The following ZNF713 variants were observed in gnomAD, a reference collection of about 807,000 sequenced individuals.
ZNF713 encodes zinc finger protein 713.
ZNF713 carries 21 observed loss-of-function variants against 28.7 expected under a neutral mutation model. That is an observed-to-expected ratio of 0.73 (90% confidence interval 0.52 to 1.05). The LOEUF (loss-of-function observed/expected upper bound fraction) is 1.05. Ranked by LOEUF, ZNF713 falls within the 50% of genes least tolerant of loss-of-function variation. The probability of loss-of-function intolerance (pLI) is 0.00; values close to 1 mark genes in which losing one functional copy is unlikely to be tolerated. For synonymous variants in ZNF713, 167 were observed against 178.0 expected, an observed-to-expected ratio of 0.94 and a Z score of 0.49; for missense variants, 458 against 532.4, an observed-to-expected ratio of 0.86 and a Z score of 1.37.
intron 6 of ZNF713, among the ~76,000 whole-genome samples, chr7:55,930,778 A>G (rs73132884): frequency 0.14 from 21,667 of 151,806 alleles, 1,723 homozygotes; most frequent in Non-Finnish European, 0.18. Context: ...AACAACCAAA[A>G]AACCATTGTC....
intron 4 of ZNF713, among the ~76,000 whole-genome samples, chr7:55,916,508 C>G (rs1410513600): frequency 6.6e-6 from 1 of 152,202 alleles, no homozygotes; most frequent in Non-Finnish European, 1.5e-5. Flanking sequence ...TGTTTGTTGT[C>G]TACTTTCTTT....
At position 55,887,540 on chromosome 7, in the gene ZNF713, C is replaced by T. The variant is rs1785265326; in HGVS notation, c.-723C>T. ...GCTGGACCGGCCCCAGGAGCCCAGT[C>T]ACCGGGCGTCATTGGCTCAGGCTGC... On this transcript the variant is annotated 5_prime_UTR_variant, in exon 1 of 7. Coordinates refer to ENST00000429591, the MANE Select transcript of ZNF713 (RefSeq NM_182633.3). The T allele has an allele frequency of 1.2e-5, 2 of 171,212 alleles. No homozygotes were observed. Among genetic ancestry groups the T allele is most frequent in the African/African-American group, 4.8e-5 (2 of 41,532 alleles). The allele number at this position is 171,212 out of a possible 1,614,324, so 10.6% of individuals were successfully genotyped here. A position where few individuals can be genotyped will look rare whatever the true frequency, so the allele number is the denominator to read the frequency against.
chr7:55,928,631 T>C lies in ZNF713; in HGVS notation c.307+4932T>C, dbSNP rs147178902. On this transcript the variant is annotated intron_variant, in intron 6 of 6. Coordinates refer to ENST00000429591, the MANE Select transcript of ZNF713 (RefSeq NM_182633.3). ...AGGTGAAGGCACAAACAACTACCAG[T>C]TGGATTACAAGATGGAAGAGAAGCA... Among the ~76,000 whole-genome samples the C allele has an allele frequency of 9.3e-4, 142 of 152,182 alleles. 2 individuals carry two copies. Among genetic ancestry groups the C allele is most frequent in the African/African-American group, 3.2e-3 (133 of 41,504 alleles).
At chr7:55,926,866 C>T (rs1386590210) in intron 6 of ZNF713, among the ~76,000 whole-genome samples, 1 of 152,164 alleles carries the variant, frequency 6.6e-6, no homozygotes, top group East Asian at 1.9e-4. Context: ...CACAGTGGCT[C>T]ATGGCTCATG....
rs1785676718 is a variant in ZNF713 at position 55,906,253 on chromosome 7, G to T, written c.-582G>T. 6.6e-6 allele frequency: 1 copy of T among 152,062 alleles called. No homozygotes were observed. The allele number at this position is 152,062 out of a possible 1,614,324, so 9.4% of individuals were successfully genotyped here. ...CTTTGCCTCAACTTCTTCCTTTTAG[G>T]TCAACATACCTGGCCTAAGGAGGCA... On this transcript the variant is annotated splice_region_variant and 5_prime_UTR_variant, in exon 2 of 7. Coordinates refer to ENST00000429591, the MANE Select transcript of ZNF713 (RefSeq NM_182633.3).
In ZNF713 at chr7:55,929,711, C is replaced by T. The variant is rs531387488; in HGVS notation, c.307+6012C>T. The stretch of plus-strand genomic sequence containing the variant: ...TGGAGGTTGCAGTGAACTGAGACTG[C>T]GCCACTGCACTCCAGCCTGGGTGAC... On this transcript the variant is annotated intron_variant, in intron 6 of 6. Coordinates refer to ENST00000429591, the MANE Select transcript of ZNF713 (RefSeq NM_182633.3). Among the ~76,000 whole-genome samples, 23 of 151,502 alleles carry T rather than the reference C, an allele frequency of 1.5e-4. No individual in the cohort carries two copies. In the South Asian group the frequency reaches 4.8e-3, roughly 32 times the overall value.
At chr7:55,889,302 A>G (rs1785335834) in intron 1 of ZNF713, among the ~76,000 whole-genome samples, 1 of 151,996 alleles carries the variant, frequency 6.6e-6, no homozygotes, top group African/African-American at 2.4e-5. Context: ...GAGTTTCATC[A>G]TATTGGTCAG....
intron 1 of ZNF713, among the ~76,000 whole-genome samples, chr7:55,901,909 T>G (rs1321556862): frequency 6.6e-6 from 1 of 152,246 alleles, no homozygotes; most frequent in Non-Finnish European, 1.5e-5. Flanking sequence ...CATGTCAATA[T>G]GACTGAGCAC....
At chr7:55,935,181 G>A (rs549322390) in intron 6 of ZNF713, among the ~76,000 whole-genome samples, 1 of 152,124 alleles carries the variant, frequency 6.6e-6, no homozygotes, top group Admixed American at 6.6e-5. Flanking sequence ...GAGCCACCGT[G>A]CCTGGACTGG....
intron 1 of ZNF713, among the ~76,000 whole-genome samples, chr7:55,897,718 G>A (rs570994446): frequency 5.3e-5 from 8 of 152,206 alleles, no homozygotes; most frequent in East Asian, 3.9e-4. Flanking sequence ...AAATATTACC[G>A]TCAATGAAAC....
At chr7:55,926,058 G>A (rs35318463) in intron 6 of ZNF713, among the ~76,000 whole-genome samples, 3,438 of 152,244 alleles carry the variant, frequency 0.023, 61 homozygotes, top group African/African-American at 0.043. Flanking sequence ...GCTCATGGCT[G>A]TAATCCCAGC....
chr7:55,905,729 G>A (rs889816631), intron 1 of ZNF713, among the ~76,000 whole-genome samples: 1 of 152,052 alleles, frequency 6.6e-6, no homozygotes, highest in African/African-American at 2.4e-5. Flanking sequence ...AAAGAATAAT[G>A]TATAGCCAAT....
intron 1 of ZNF713, among the ~76,000 whole-genome samples, chr7:55,895,710 T>A (rs1250968834): frequency 1.3e-5 from 2 of 152,078 alleles, no homozygotes; most frequent in African/African-American, 4.8e-5. Flanking sequence ...TCAGGCAATC[T>A]GCCCGCCTTG....
intron 2 of ZNF713, 97 bp downstream of exon 2, chr7:55,906,476 G>A (rs996209065): frequency 6.6e-6 from 1 of 152,162 alleles, no homozygotes; most frequent in Non-Finnish European, 1.5e-5. Flanking sequence ...TAAGAGTGAG[G>A]GCTTCAATCT....
rs1369228489 is a variant in ZNF713, at chr7:55,914,089, C to G, written c.87+1366C>G. Among the ~76,000 whole-genome samples the G allele has an allele frequency of 2.3e-5, 3 of 129,106 alleles. No individual in the cohort carries two copies. In the South Asian group the frequency reaches 7.2e-4, roughly 31 times the overall value. 84.7% of individuals were successfully genotyped at this position (129,106 alleles called of 152,430 possible). A position where few individuals can be genotyped will look rare whatever the true frequency, so the allele number is the denominator to read the frequency against. On this transcript the variant is annotated intron_variant, in intron 4 of 6. Coordinates refer to ENST00000429591, the MANE Select transcript of ZNF713 (RefSeq NM_182633.3). ...TCGTGCCACTGCACTCCAGCCTGGGCAACAGAGCGAGACTCCATCTCAAAA... is the reference window on the plus strand; with the variant it reads ...TCGTGCCACTGCACTCCAGCCTGGGGAACAGAGCGAGACTCCATCTCAAAA...
At chr7:55,917,214 AAAACAAAC>A (rs137934016) in intron 4 of ZNF713, among the ~76,000 whole-genome samples, 4 of 150,482 alleles carry the variant, frequency 2.7e-5, no homozygotes, top group African/African-American at 9.7e-5. Context: ...ACTCTGCCTC[AAAACAAAC>A]AAACAAACAA....
chr7:55,888,905 A>G (rs1785329268), intron 1 of ZNF713, among the ~76,000 whole-genome samples: 1 of 151,778 alleles, frequency 6.6e-6, no homozygotes, highest in Admixed American at 6.6e-5. Context: ...AGAAAAATTA[A>G]CCGGACTTGG....
intron 4 of ZNF713, among the ~76,000 whole-genome samples, chr7:55,921,092 G>A (rs933432849): frequency 5.3e-5 from 8 of 152,048 alleles, no homozygotes; most frequent in South Asian, 2.1e-4. Flanking sequence ...TTGCCTGTGC[G>A]CTAGAAATGG....
intron 1 of ZNF713, among the ~76,000 whole-genome samples, chr7:55,893,534 G>A (rs1785424511): frequency 6.6e-6 from 1 of 152,050 alleles, no homozygotes; most frequent in African/African-American, 2.4e-5. Flanking sequence ...AATATTTTTA[G>A]GTTTTATGAC....
Sources: gnomAD v4.1 joint callset for allele counts (sites outside exome capture counted in the v4.1 genomes callset) on GRCh38, gnomAD v4.1.1 for gene constraint, MANE v1.5 for transcripts, NCBI Gene and HGNC (gene_info 2026-07-23, HGNC 2026-07-21) for gene names.